The following RAB21 variants were observed in gnomAD, a reference collection of about 807,000 sequenced individuals.
RAB21 encodes RAB21, member RAS oncogene family.
A neutral mutation model predicts 33.1 loss-of-function variants in RAB21; 13 were observed. The observed-to-expected ratio is 0.39, with a 90% CI of 0.26 to 0.62. RAB21 has a LOEUF of 0.62. RAB21 is among the 20% of genes least tolerant of loss of function. The pLI is 0.48. For synonymous variants in RAB21, 91 were observed against 103.7 expected, an observed-to-expected ratio of 0.88 and a Z score of 0.74; for missense variants, 234 against 279.1, an observed-to-expected ratio of 0.84 and a Z score of 1.15.
In RAB21 at chr12:71,790,112, T is replaced by C. The variant is rs953240978; in HGVS notation, c.*4439T>C. 6 of 152,204 alleles carry C rather than the reference T, an allele frequency of 3.9e-5. No homozygotes were observed. Among genetic ancestry groups the C allele is most frequent in the Admixed American group, 3.9e-4 (6 of 15,282 alleles). The allele number at this position is 152,204 out of a possible 1,614,324, so 9.4% of individuals were successfully genotyped here. ...ACTGCAACATTTTCTCTTCAGTAGA[T>C]ATATGAGTAAACATGATGAGTTAAT... On this transcript the variant is annotated 3_prime_UTR_variant, in exon 7 of 7. Coordinates refer to ENST00000261263, the MANE Select transcript of RAB21 (RefSeq NM_014999.4).
intron 3 of RAB21, among the ~76,000 whole-genome samples, chr12:71,772,255 A>G (rs1008572677): frequency 1.1e-4 from 16 of 152,004 alleles, no homozygotes; most frequent in African/African-American, 3.1e-4. Context: ...TACTCTCTCT[A>G]TGTGCTCTCT....
In RAB21 at chr12:71,795,412, C is replaced by T. The variant is rs1241721577; in HGVS notation, c.*9739C>T. On this transcript the variant is annotated 3_prime_UTR_variant, in exon 7 of 7. Transcript: ENST00000261263. ...TGGGAATGTCCCTAGCGTAATAATG[C>T]CTTCTACTGACATTTAAAGTCAGCT... 1.1e-5 allele frequency: 1 copy of T among 90,312 alleles called. No individual in the cohort carries two copies. The highest frequency in any genetic ancestry group is 1.2e-4 in the Admixed American group (1 of 8,148). The allele number at this position is 90,312 out of a possible 1,614,324, so 5.6% of individuals were successfully genotyped here. A position where few individuals can be genotyped will look rare whatever the true frequency, so the allele number is the denominator to read the frequency against.
chr12:71,783,763 A>T (rs1245667741), intron 6 of RAB21, among the ~76,000 whole-genome samples: 1 of 152,170 alleles, frequency 6.6e-6, no homozygotes, highest in Non-Finnish European at 1.5e-5. Context: ...ATTTTGATTT[A>T]ATAGGTGTGG....
intron 1 of RAB21, among the ~76,000 whole-genome samples, chr12:71,762,517 G>GGAT (rs1374070854): frequency 6.6e-6 from 1 of 151,886 alleles, no homozygotes; most frequent in Non-Finnish European, 1.5e-5. Context: ...GTGTTAGCCA[G>GGAT]GATGGTCTCG....
intron 4 of RAB21, among the ~76,000 whole-genome samples, chr12:71,779,297 A>G (rs933443673): frequency 2.0e-5 from 3 of 152,010 alleles, no homozygotes; most frequent in Admixed American, 6.6e-5. Context: ...CATCTCTACA[A>G]AAAAATACAA....
Position 71,798,464 on chromosome 12 carries a change from G to A in RAB21, c.*12791G>A, listed in dbSNP as rs1288511038. The A allele has an allele frequency of 1.3e-5, 2 of 151,982 alleles. No homozygotes were observed. The highest frequency in any genetic ancestry group is 4.8e-5 in the African/African-American group (2 of 41,362). The allele number at this position is 151,982 out of a possible 1,614,324, so 9.4% of individuals were successfully genotyped here. A position where few individuals can be genotyped will look rare whatever the true frequency, so the allele number is the denominator to read the frequency against. On this transcript the variant is annotated 3_prime_UTR_variant, in exon 7 of 7. Transcript: ENST00000261263. Reference sequence around the variant, plus strand: ...CCATAAGCATAGTCTAAAGAAAAATGACAAATTTGGAAAAAATATTTTCAA... The same window carrying A: ...CCATAAGCATAGTCTAAAGAAAAATAACAAATTTGGAAAAAATATTTTCAA...
intron 5 of RAB21, 151 bp downstream of exon 5, chr12:71,782,236 G>T (rs979750902): frequency 9.0e-6 from 7 of 779,682 alleles, no homozygotes; most frequent in Non-Finnish European, 1.4e-5. Flanking sequence ...GTAATTTCTG[G>T]GCTTGTGGCA....
intron 4 of RAB21, among the ~76,000 whole-genome samples, chr12:71,781,328 G>A (rs185825902): frequency 1.1e-4 from 17 of 151,366 alleles, no homozygotes; most frequent in African/African-American, 4.1e-4. Context: ...AATTAGCCAG[G>A]CGTGGTGGCA....
In RAB21 at chr12:71,796,782, C is replaced by A. The variant is rs1190778763; in HGVS notation, c.*11109C>A. On this transcript the variant is annotated 3_prime_UTR_variant, in exon 7 of 7. Coordinates refer to ENST00000261263, the MANE Select transcript of RAB21 (RefSeq NM_014999.4). ...AAGAACATTTAATCAAACCTGTTGA[C>A]TAAGAGCTTTAGTTTGGCTTACAAT... 1 of 90,174 alleles carries A rather than the reference C, an allele frequency of 1.1e-5. No individual in the cohort carries two copies. The allele number at this position is 90,174 out of a possible 1,614,324, so 5.6% of individuals were successfully genotyped here.
Position 71,799,293 on chromosome 12 carries a change from C to T in RAB21, c.*13620C>T, listed in dbSNP as rs1883506867. The T allele has an allele frequency of 6.6e-6, 1 of 152,196 alleles. No individual in the cohort carries two copies. 9.4% of individuals were successfully genotyped at this position (152,196 alleles called of 1,614,324 possible). On this transcript the variant is annotated 3_prime_UTR_variant, in exon 7 of 7. Coordinates refer to ENST00000261263, the MANE Select transcript of RAB21 (RefSeq NM_014999.4). ...CATTCCCATAGGCTCAACTTAGATT[C>T]CTAAACCCTGCTCCTTCAACCCTTC...
intron 1 of RAB21, among the ~76,000 whole-genome samples, chr12:71,764,879 C>T (rs1478507601): frequency 1.3e-5 from 2 of 152,250 alleles, no homozygotes; most frequent in African/African-American, 4.8e-5. Flanking sequence ...CAGGTTGGCT[C>T]CATATCTTTG....
At chr12:71,772,614 A>C (rs971350347) in intron 3 of RAB21, among the ~76,000 whole-genome samples, 8 of 152,184 alleles carry the variant, frequency 5.3e-5, no homozygotes, top group Non-Finnish European at 1.0e-4. Flanking sequence ...TTGTGATACT[A>C]TATGCACATG....
intron 1 of RAB21, among the ~76,000 whole-genome samples, chr12:71,757,257 G>A (rs1882799315): frequency 2.6e-5 from 4 of 152,026 alleles, no homozygotes; most frequent in Admixed American, 6.6e-5. Flanking sequence ...ACAGGCACAC[G>A]CCACCACATC....
chr12:71,756,336 A>G (rs1023433772), intron 1 of RAB21, among the ~76,000 whole-genome samples: 4 of 152,246 alleles, frequency 2.6e-5, no homozygotes, highest in African/African-American at 7.2e-5. Flanking sequence ...CAGAAAAAGC[A>G]CTGATGACCT....
intron 1 of RAB21, among the ~76,000 whole-genome samples, chr12:71,765,554 A>T (rs752707142): frequency 6.6e-6 from 1 of 152,098 alleles, no homozygotes; most frequent in African/African-American, 2.4e-5. Context: ...AGTTTTTCCA[A>T]TGTTATCCCC....
At chr12:71,757,273 A>G (rs771029294) in intron 1 of RAB21, among the ~76,000 whole-genome samples, 1 of 152,094 alleles carries the variant, frequency 6.6e-6, no homozygotes, top group Non-Finnish European at 1.5e-5. Context: ...ACATCTGGCT[A>G]ATTTTTTTGT....
chr12:71,776,377 A>G (rs1273263192), intron 4 of RAB21, among the ~76,000 whole-genome samples: 1 of 152,152 alleles, frequency 6.6e-6, no homozygotes, highest in African/African-American at 2.4e-5. Context: ...ATTAAATTGA[A>G]CCTCAGGGAA....
rs750185880 is a variant in RAB21, at chr12:71,795,675, C to A, written c.*10002C>A. The stretch of plus-strand genomic sequence containing the variant: ...GTAATGCTGTCCTTGAATTCACTTA[C>A]ATCTCTGCTCTGGTTTTTTGAAGCT... On this transcript the variant is annotated 3_prime_UTR_variant, in exon 7 of 7. Coordinates refer to ENST00000261263, the MANE Select transcript of RAB21 (RefSeq NM_014999.4). The A allele has an allele frequency of 3.6e-5, 5 of 137,288 alleles. 1 individual carries two copies. Among genetic ancestry groups the A allele is most frequent in the African/African-American group, 5.9e-5 (2 of 34,010 alleles). 8.5% of individuals were successfully genotyped at this position (137,288 alleles called of 1,614,324 possible).
chr12:71,764,375 C>T (rs535396939), intron 1 of RAB21, among the ~76,000 whole-genome samples: 1 of 152,126 alleles, frequency 6.6e-6, no homozygotes, highest in South Asian at 2.1e-4. Flanking sequence ...AGTAGTCTGG[C>T]CAAATTAAAT....
Sources: allele counts gnomAD v4.1 joint callset (sites outside exome capture counted in the v4.1 genomes callset), GRCh38; gene constraint gnomAD v4.1.1; transcripts MANE v1.5; gene names NCBI Gene and HGNC (gene_info 2026-07-23, HGNC 2026-07-21).